Variants in BNC2 observed in about 807,000 individuals in gnomAD.
The protein encoded by BNC2 is basonuclin zinc finger protein 2.
A neutral mutation model predicts 76.3 loss-of-function variants in BNC2; 20 were observed. The observed-to-expected ratio is 0.26, with a 90% CI of 0.18 to 0.38. The LOEUF (loss-of-function observed/expected upper bound fraction) is 0.38. Ranked by LOEUF, BNC2 falls within the 10% of genes least tolerant of loss-of-function variation. The pLI, the probability that BNC2 is intolerant of heterozygous loss-of-function variation, is 1.00. For synonymous variants in BNC2, 582 were observed against 514.8 expected (o/e 1.13, Z -1.77); for missense variants, 1,382 against 1,399.8 (o/e 0.99, Z 0.20).
At chr9:16,672,729 C>T (rs975811392) in intron 3 of BNC2, among the ~76,000 whole-genome samples, 1 of 152,194 alleles carries the variant, frequency 6.6e-6, no homozygotes, top group African/African-American at 2.4e-5. Flanking sequence ...AGAGAGATTA[C>T]ATGTGACATT....
chr9:16,715,979 T>C (rs143049599), intron 3 of BNC2, among the ~76,000 whole-genome samples: 110 of 152,334 alleles, frequency 7.2e-4, no homozygotes, highest in African/African-American at 2.4e-3. Context: ...AGGAAACTCA[T>C]TTTCATAATT....
intron 1 of BNC2, among the ~76,000 whole-genome samples, chr9:16,802,259 T>C (rs946295917): frequency 2.6e-5 from 4 of 152,292 alleles, no homozygotes; most frequent in South Asian, 2.1e-4. Context: ...GAGAAACCAT[T>C]AGAGGGCTCC....
intron 5 of BNC2, among the ~76,000 whole-genome samples, chr9:16,503,384 T>G (rs373546776): frequency 1.4e-3 from 212 of 152,290 alleles, no homozygotes; most frequent in African/African-American, 4.6e-3. Context: ...GTGCCTACTC[T>G]AATTCATGCC....
chr9:16,482,091 G>C (rs1166261516), intron 5 of BNC2, among the ~76,000 whole-genome samples: 3 of 152,076 alleles, frequency 2.0e-5, no homozygotes, highest in Non-Finnish European at 4.4e-5. Context: ...ACTGTTGTCA[G>C]TAATAAAAAT....
intron 1 of BNC2, among the ~76,000 whole-genome samples, chr9:16,853,296 G>C (rs1488813356): frequency 7.7e-5 from 3 of 39,114 alleles, no homozygotes; most frequent in Non-Finnish European, 1.5e-4. Flanking sequence ...TGTAGGCCCA[G>C]TTAGGAGGCT....
chr9:16,699,885 T>G (rs1351808212), intron 3 of BNC2, among the ~76,000 whole-genome samples: 2 of 152,230 alleles, frequency 1.3e-5, no homozygotes, highest in Admixed American at 1.3e-4. Flanking sequence ...CAATGTAAAT[T>G]TATCTGGTGA....
intron 3 of BNC2, among the ~76,000 whole-genome samples, chr9:16,613,148 A>C (rs1311162408): frequency 6.6e-6 from 1 of 152,178 alleles, no homozygotes; most frequent in African/African-American, 2.4e-5. Context: ...AGTGAGTTTT[A>C]TTTTAAATTT....
chr9:16,534,596 A>G (rs1818074495), intron 5 of BNC2, among the ~76,000 whole-genome samples: 1 of 152,144 alleles, frequency 6.6e-6, no homozygotes, highest in East Asian at 1.9e-4. Flanking sequence ...TTTCTCCCCA[A>G]GTATCTCTCT....
intron 3 of BNC2, among the ~76,000 whole-genome samples, chr9:16,711,365 C>A (rs914941125): frequency 6.6e-6 from 1 of 152,078 alleles, no homozygotes; most frequent in Admixed American, 6.6e-5. Context: ...TTCCATTCCT[C>A]GCTAGTTGCA....
chr9:16,421,888 C>T (rs1187945678), intron 6 of BNC2, among the ~76,000 whole-genome samples: 1 of 152,208 alleles, frequency 6.6e-6, no homozygotes, highest in East Asian at 1.9e-4. Flanking sequence ...AACACCCTCC[C>T]CCTTTCTTAA....
chr9:16,606,124 A>G (rs1820376576), intron 3 of BNC2, among the ~76,000 whole-genome samples: 1 of 152,238 alleles, frequency 6.6e-6, no homozygotes, highest in Admixed American at 6.5e-5. Flanking sequence ...ATTATGAGCA[A>G]CATTTGAGTC....
chr9:16,549,815 A>T (rs1818604044), intron 5 of BNC2, among the ~76,000 whole-genome samples: 1 of 152,162 alleles, frequency 6.6e-6, no homozygotes, highest in Non-Finnish European at 1.5e-5. Context: ...ATAAATGCTG[A>T]ATGACAAAAA....
At chr9:16,497,950 C>T (rs73415502) in intron 5 of BNC2, among the ~76,000 whole-genome samples, 19,922 of 148,462 alleles carry the variant, frequency 0.13, 4,031 homozygotes, top group African/African-American at 0.44. Context: ...CAAATGCCCA[C>T]CGATCAATGA....
At chr9:16,561,815 G>A (rs1819025257) in intron 4 of BNC2, among the ~76,000 whole-genome samples, 1 of 151,968 alleles carries the variant, frequency 6.6e-6, no homozygotes, top group South Asian at 2.1e-4. Flanking sequence ...ACCAGCCTGG[G>A]CAACGTGGTG....
chr9:16,856,413 T>C (rs147020324), intron 1 of BNC2, among the ~76,000 whole-genome samples: 1 of 152,198 alleles, frequency 6.6e-6, no homozygotes, highest in African/African-American at 2.4e-5. Flanking sequence ...TGCACAGATA[T>C]AAATAAATTC....
intron 4 of BNC2, among the ~76,000 whole-genome samples, chr9:16,573,152 C>G (rs1425860820): frequency 1.3e-5 from 2 of 148,598 alleles, no homozygotes; most frequent in Non-Finnish European, 3.0e-5. Flanking sequence ...TGCTTGAACC[C>G]AGGAAGGGGA....
intron 3 of BNC2, among the ~76,000 whole-genome samples, chr9:16,644,926 A>C (rs1821583706): frequency 6.6e-6 from 1 of 152,210 alleles, no homozygotes; most frequent in Non-Finnish European, 1.5e-5. Flanking sequence ...AAACTGTTCC[A>C]AAGTACACTT....
chr9:16,744,640 T>C (rs943949961), intron 1 of BNC2, among the ~76,000 whole-genome samples: 10 of 152,178 alleles, frequency 6.6e-5, no homozygotes, highest in African/African-American at 2.4e-4. Flanking sequence ...ACTTGGAGCA[T>C]TTCCATGGGT....
Position 16,581,474 on chromosome 9 carries a change from C to A in BNC2, c.433+1509G>T, listed in dbSNP as rs566318399. 1.8e-3 allele frequency among the ~76,000 whole-genome samples: 279 copies of A among 152,280 alleles called. 3 individuals carry two copies. The highest frequency in any genetic ancestry group is 6.8e-3 in the Middle Eastern group (2 of 294). ...TCAGAAGGCTGAGGAAGGAGAACCG[C>A]TTGAACCCGGGAGTTGGAGGTTGCA... On this transcript the variant is annotated intron_variant, in intron 4 of 6. Coordinates refer to ENST00000380672, the MANE Select transcript of BNC2 (RefSeq NM_017637.6).
Sources: allele counts gnomAD v4.1 joint callset (sites outside exome capture counted in the v4.1 genomes callset), GRCh38; gene constraint gnomAD v4.1.1; transcripts MANE v1.5; gene names NCBI Gene and HGNC (gene_info 2026-07-23, HGNC 2026-07-21).